Variants in VPS41 observed in about 807,000 individuals in gnomAD.
The protein encoded by VPS41 is VPS41 subunit of HOPS complex.
Under a neutral mutation model 130.9 loss-of-function variants are expected in VPS41, and 85 were observed. The observed-to-expected ratio is 0.65, with a 90% confidence interval of 0.55 to 0.78. The LOEUF (loss-of-function observed/expected upper bound fraction) is 0.78, where lower values mean the gene tolerates loss of function less well. Ranked by LOEUF, VPS41 falls within the 30% of genes least tolerant of loss-of-function variation. The probability of loss-of-function intolerance (pLI) is 0.00; values close to 1 mark genes in which losing one functional copy is unlikely to be tolerated. For missense variants in VPS41, 874 were observed against 1,018.7 expected (o/e 0.86, Z 1.93); for synonymous variants, 335 against 332.9 (o/e 1.01, Z -0.07).
At chr7:38,873,751 G>A (rs1455334881) in intron 2 of VPS41, among the ~76,000 whole-genome samples, 2 of 152,160 alleles carry the variant, frequency 1.3e-5, no homozygotes, top group African/African-American at 4.8e-5. Flanking sequence ...TTTTTACTAA[G>A]TGTAGAGCAC....
rs1456733138 is a variant in VPS41 at position 38,726,203 on chromosome 7, C to T, written c.*43G>A. ...ATGCTTTTGTTGTTGCAAAAACAGT[C>T]TCAAAAAGAGTGGTGACAAGGAGAC... On this transcript the variant is annotated 3_prime_UTR_variant, in exon 29 of 29. Coordinates refer to ENST00000310301, the MANE Select transcript of VPS41 (RefSeq NM_014396.4). 8 of 1,395,530 alleles carry T rather than the reference C, an allele frequency of 5.7e-6. No homozygotes were observed. Among genetic ancestry groups the T allele is most frequent in the Non-Finnish European group, 7.1e-6 (7 of 981,836 alleles). 86.4% of individuals were successfully genotyped at this position (1,395,530 alleles called of 1,614,324 possible).
intron 25 of VPS41, among the ~76,000 whole-genome samples, chr7:38,730,654 A>G (rs1408977325): frequency 6.6e-6 from 1 of 152,230 alleles, no homozygotes; most frequent in Non-Finnish European, 1.5e-5. Flanking sequence ...AAATACAGTA[A>G]GAAAGATAGC....
Position 38,741,994 on chromosome 7 carries a change from G to A in VPS41, c.2250C>T (p.Tyr750=), listed in dbSNP as rs1318892665. The A allele has an allele frequency of 3.1e-6, 5 of 1,612,938 alleles. No individual in the cohort carries two copies. The highest frequency in any genetic ancestry group is 4.2e-6 in the Non-Finnish European group (5 of 1,179,582). ...AAGAAAGGATACTTACTTGCAAATTGTAGTCTTGCAGAATTTTAACCAAGG... is the reference window on the plus strand; with the variant it reads ...AAGAAAGGATACTTACTTGCAAATTATAGTCTTGCAGAATTTTAACCAAGG... The part of the protein sequence containing the change: ...RDSLVKILQD[Y]NLQILLREGC... Residue 750 remains tyrosine (Y), a synonymous_variant, in exon 25 of 29, where the codon TAC becomes TAT. Transcript: ENST00000310301.
chr7:38,879,373 T>C (rs911284225), intron 2 of VPS41, among the ~76,000 whole-genome samples: 3 of 152,028 alleles, frequency 2.0e-5, no homozygotes, highest in Non-Finnish European at 2.9e-5. Context: ...TCCTAACAAG[T>C]AGAGATGCTT....
intron 9 of VPS41, among the ~76,000 whole-genome samples, chr7:38,795,041 A>T (rs570371437): frequency 6.6e-6 from 1 of 152,292 alleles, no homozygotes; most frequent in Admixed American, 6.5e-5. Flanking sequence ...CAGCAGGATG[A>T]TTTAATTTTA....
chr7:38,906,746 T>G (rs189393924), intron 1 of VPS41, among the ~76,000 whole-genome samples: 1 of 152,228 alleles, frequency 6.6e-6, no homozygotes, highest in East Asian at 1.9e-4. Context: ...TGAGGGAAAA[T>G]CATTAAAATG....
At chr7:38,849,370 G>C (rs1288896709) in intron 4 of VPS41, among the ~76,000 whole-genome samples, 1 of 152,152 alleles carries the variant, frequency 6.6e-6, no homozygotes, top group Non-Finnish European at 1.5e-5. Flanking sequence ...AGCTCAATCA[G>C]ACCCCCTGCT....
At chr7:38,890,590 T>C (rs758511308) in intron 2 of VPS41, among the ~76,000 whole-genome samples, 4 of 152,238 alleles carry the variant, frequency 2.6e-5, no homozygotes, top group Non-Finnish European at 1.5e-5. Flanking sequence ...CTTGTATCAA[T>C]ATCAATTTCC....
Position 38,752,560 on chromosome 7 carries a change from G to A in VPS41, c.1789-247C>T, listed in dbSNP as rs374634332. 1.1e-3 allele frequency among the ~76,000 whole-genome samples: 171 copies of A among 152,308 alleles called. 1 individual carries two copies. In the South Asian group the frequency reaches 0.034, roughly 31 times the overall value. On this transcript the variant is annotated intron_variant, in intron 21 of 28. Transcript: ENST00000310301. Reference sequence around the variant, plus strand: ...ACGTACCAACTGTGACCTTAGGCAAGTCACTAATCTCTCTGAGACTCAGTT... The same window carrying A: ...ACGTACCAACTGTGACCTTAGGCAAATCACTAATCTCTCTGAGACTCAGTT...
chr7:38,896,682 T>C (rs1336797090), intron 2 of VPS41, among the ~76,000 whole-genome samples: 16 of 152,224 alleles, frequency 1.1e-4, no homozygotes, highest in Admixed American at 8.5e-4. Flanking sequence ...TAGAGAAATA[T>C]GCATAAGTCC....
At chr7:38,851,193 T>C (rs543702021) in intron 4 of VPS41, among the ~76,000 whole-genome samples, 1 of 152,290 alleles carries the variant, frequency 6.6e-6, no homozygotes, top group South Asian at 2.1e-4. Flanking sequence ...TCTATATAAT[T>C]AGGGTAGAAC....
At chr7:38,731,448 T>A (rs1328769358) in intron 25 of VPS41, among the ~76,000 whole-genome samples, 1 of 152,190 alleles carries the variant, frequency 6.6e-6, no homozygotes, top group African/African-American at 2.4e-5. Flanking sequence ...GAGTGTCTTT[T>A]TTATAAAGAC....
At chr7:38,776,899 C>T (rs181109508) in intron 10 of VPS41, 123 bp from the exon 11 acceptor site, 2 of 530,448 alleles carry the variant, frequency 3.8e-6, no homozygotes, top group South Asian at 3.0e-5. Context: ...AAAGGGGACA[C>T]CGTTGAACAT....
intron 14 of VPS41, among the ~76,000 whole-genome samples, chr7:38,768,691 GT>G (rs776180126): frequency 2.6e-4 from 40 of 152,226 alleles, no homozygotes; most frequent in Non-Finnish European, 5.6e-4. Flanking sequence ...TTCTACACAG[GT>G]TCTTTCCATC....
At chr7:38,766,603 C>T (rs1368882183) in intron 15 of VPS41, among the ~76,000 whole-genome samples, 1 of 152,168 alleles carries the variant, frequency 6.6e-6, no homozygotes. Context: ...CGTGTCCCCA[C>T]CCAAATCTCA....
At chr7:38,790,220 G>C (rs1018113389) in intron 9 of VPS41, among the ~76,000 whole-genome samples, 3 of 151,936 alleles carry the variant, frequency 2.0e-5, no homozygotes, top group Non-Finnish European at 2.9e-5. Context: ...CTGTAACTAT[G>C]GTATGGAAAA....
Position 38,776,088 on chromosome 7 carries a change from T to C in VPS41, c.882+591A>G, listed in dbSNP as rs115282491. Reference sequence around the variant, plus strand: ...GTGGATACCCATCCACTGGGCAATATATAAGCTTCTTCCAAAGACACGCAC... The same window carrying C: ...GTGGATACCCATCCACTGGGCAATACATAAGCTTCTTCCAAAGACACGCAC... On this transcript the variant is annotated intron_variant, in intron 11 of 28. Coordinates refer to ENST00000310301, the MANE Select transcript of VPS41 (RefSeq NM_014396.4). Among the ~76,000 whole-genome samples the C allele has an allele frequency of 8.9e-3, 1,350 of 152,266 alleles. 16 individuals are homozygous for C. The highest frequency in any genetic ancestry group is 0.031 in the African/African-American group (1,271 of 41,544).
intron 23 of VPS41, among the ~76,000 whole-genome samples, chr7:38,745,072 T>C (rs889483917): frequency 1.3e-5 from 2 of 152,192 alleles, no homozygotes; most frequent in African/African-American, 4.8e-5. Flanking sequence ...GTACAAAAAT[T>C]GTGACTCATG....
intron 7 of VPS41, among the ~76,000 whole-genome samples, chr7:38,798,240 C>T (rs938640351): frequency 9.2e-5 from 14 of 152,134 alleles, no homozygotes; most frequent in African/African-American, 3.4e-4. Flanking sequence ...CATACAGTTC[C>T]TGCTACAGAG....
Sources: allele counts gnomAD v4.1 joint callset (sites outside exome capture counted in the v4.1 genomes callset), GRCh38; gene constraint gnomAD v4.1.1; transcripts MANE v1.5; gene names NCBI Gene and HGNC (gene_info 2026-07-23, HGNC 2026-07-21).